Variants in DCC observed in about 807,000 individuals in gnomAD.
DCC encodes the protein DCC netrin 1 receptor.
In DCC, 58 loss-of-function variants were observed where a neutral mutation model predicts 172.5. The observed-to-expected ratio is 0.34, with a 90% CI of 0.27 to 0.42. DCC has a LOEUF of 0.42. Among genes scored for constraint, DCC ranks in the 10% least tolerant of loss-of-function variants. The pLI, the probability that DCC is intolerant of heterozygous loss-of-function variation, is 1.00. For synonymous variants in DCC, 709 were observed against 644.5 expected (o/e 1.10, Z -1.52); for missense variants, 1,740 against 1,791.0 (o/e 0.97, Z 0.51).
At chr18:53,510,969 A>G (rs2046244355) in intron 27 of DCC, among the ~76,000 whole-genome samples, 1 of 152,204 alleles carries the variant, frequency 6.6e-6, no homozygotes, top group Admixed American at 6.5e-5. Context: ...TTTGTCTAAG[A>G]AAGAACATAT....
chr18:52,877,741 T>G (rs992785072), intron 2 of DCC, among the ~76,000 whole-genome samples: 1 of 152,080 alleles, frequency 6.6e-6, no homozygotes, highest in Middle Eastern at 3.4e-3. Flanking sequence ...TAACGTGTCT[T>G]TCTTTGTCAA....
intron 1 of DCC, among the ~76,000 whole-genome samples, chr18:52,678,729 C>A (rs529789507): frequency 6.6e-6 from 1 of 152,234 alleles, no homozygotes; most frequent in East Asian, 1.9e-4. Flanking sequence ...GAATTCCATG[C>A]CACGAAAGAT....
chr18:53,069,760 G>T (rs2042627176), intron 7 of DCC, among the ~76,000 whole-genome samples: 2 of 152,046 alleles, frequency 1.3e-5, no homozygotes. Context: ...TAAATAGAAG[G>T]GAGAAGCGAC....
At chr18:52,488,378 G>GT (rs1452923002) in intron 1 of DCC, among the ~76,000 whole-genome samples, 4 of 152,030 alleles carry the variant, frequency 2.6e-5, no homozygotes, top group African/African-American at 7.2e-5. Context: ...ACGTAACTGG[G>GT]TTTTTTCCTC....
At chr18:53,107,541 G>GA (rs11458727) in intron 7 of DCC, among the ~76,000 whole-genome samples, 14,120 of 137,430 alleles carry the variant, frequency 0.1, 1,197 homozygotes, top group East Asian at 0.36. Context: ...AAAAAGGAAG[G>GA]AAAAAAAAAA....
At chr18:52,409,472 A>G (rs12456322) in intron 1 of DCC, among the ~76,000 whole-genome samples, 12,274 of 152,188 alleles carry the variant, frequency 0.081, 568 homozygotes, top group South Asian at 0.13. Context: ...GTTTAATCTA[A>G]TACTTTCACA....
At chr18:52,352,939 C>A (rs948193553) in intron 1 of DCC, among the ~76,000 whole-genome samples, 1 of 152,102 alleles carries the variant, frequency 6.6e-6, no homozygotes, top group Non-Finnish European at 1.5e-5. Context: ...ATTAGAATCC[C>A]AAGTGACTGA....
chr18:52,480,712 T>A (rs1401449834), intron 1 of DCC, among the ~76,000 whole-genome samples: 2 of 152,202 alleles, frequency 1.3e-5, no homozygotes, highest in African/African-American at 4.8e-5. Context: ...CTGGTTGAAT[T>A]TGCCCTTTTG....
intron 1 of DCC, among the ~76,000 whole-genome samples, chr18:52,428,097 C>T (rs1471146675): frequency 1.3e-5 from 2 of 152,008 alleles, no homozygotes; most frequent in South Asian, 2.1e-4. Context: ...AAAAAATCTT[C>T]TTGCATTTCT....
chr18:52,994,073 A>T (rs2041440329), intron 5 of DCC, among the ~76,000 whole-genome samples: 3 of 152,132 alleles, frequency 2.0e-5, no homozygotes, highest in Admixed American at 2.0e-4. Flanking sequence ...AACTTAGGTA[A>T]GAGTAGCCAC....
intron 1 of DCC, among the ~76,000 whole-genome samples, chr18:52,656,060 G>GTA (rs974881033): frequency 2.2e-5 from 3 of 134,564 alleles, no homozygotes; most frequent in East Asian, 2.2e-4. Flanking sequence ...GTATATATGT[G>GTA]TATATATATG....
intron 13 of DCC, among the ~76,000 whole-genome samples, chr18:53,314,231 T>C (rs192129536): frequency 2.7e-3 from 410 of 152,358 alleles, no homozygotes; most frequent in Non-Finnish European, 4.3e-3. Context: ...ACTGCTTCTC[T>C]GAAAAGTCAA....
chr18:53,036,868 G>T (rs1023674992), intron 5 of DCC, among the ~76,000 whole-genome samples: 2 of 151,936 alleles, frequency 1.3e-5, no homozygotes, highest in Non-Finnish European at 2.9e-5. Flanking sequence ...TTCAGGCATT[G>T]CTTTCCATCC....
chr18:52,485,606 A>C (rs1170348905), intron 1 of DCC, among the ~76,000 whole-genome samples: 2 of 152,136 alleles, frequency 1.3e-5, no homozygotes, highest in Non-Finnish European at 2.9e-5. Flanking sequence ...ACAGGAGAGC[A>C]AATGGCAACT....
At chr18:53,083,637 G>T (rs1009416545) in intron 7 of DCC, among the ~76,000 whole-genome samples, 5 of 151,998 alleles carry the variant, frequency 3.3e-5, no homozygotes, top group Admixed American at 2.6e-4. Context: ...TAAATTTCAA[G>T]ACCTACAAAT....
intron 1 of DCC, among the ~76,000 whole-genome samples, chr18:52,361,122 C>T (rs1195242212): frequency 2.0e-5 from 3 of 152,136 alleles, no homozygotes; most frequent in African/African-American, 4.8e-5. Context: ...CCTTCTCAAA[C>T]TTTAATATAC....
intron 1 of DCC, among the ~76,000 whole-genome samples, chr18:52,374,046 C>G (rs957069240): frequency 2.6e-5 from 4 of 151,842 alleles, no homozygotes; most frequent in Non-Finnish European, 5.9e-5. Context: ...CGCCCGCCAC[C>G]ACGCCTGGAT....
chr18:52,940,337 G>A (rs1336439380), intron 5 of DCC, among the ~76,000 whole-genome samples: 1 of 152,054 alleles, frequency 6.6e-6, no homozygotes, highest in African/African-American at 2.4e-5. Flanking sequence ...GTCAGAGTAG[G>A]GGTAGATAGC....
intron 12 of DCC, chr18:53,237,132 A>G (rs940065618): frequency 4.6e-5 from 7 of 152,690 alleles, no homozygotes; most frequent in Non-Finnish European, 5.9e-5. Context: ...CTTTATATAT[A>G]TGATCATTAT....
Sources: gnomAD v4.1 joint callset for allele counts (sites outside exome capture counted in the v4.1 genomes callset) on GRCh38, gnomAD v4.1.1 for gene constraint, MANE v1.5 for transcripts, NCBI Gene and HGNC (gene_info 2026-07-23, HGNC 2026-07-21) for gene names.